The following MAP3K20 variants were observed in gnomAD, a reference collection of about 807,000 sequenced individuals.
The protein encoded by MAP3K20 is HCCS-4.
In MAP3K20, 40 loss-of-function variants were observed where a neutral mutation model predicts 85.7. That is an observed-to-expected ratio of 0.47 (90% CI 0.36 to 0.61). The LOEUF (loss-of-function observed/expected upper bound fraction) is 0.61. MAP3K20 is among the 20% of genes least tolerant of loss of function. The probability of loss-of-function intolerance (pLI) is 0.00; values close to 1 mark genes in which losing one functional copy is unlikely to be tolerated. For synonymous variants in MAP3K20, 325 were observed against 327.7 expected (o/e 0.99, Z 0.09); for missense variants, 817 against 961.7 (o/e 0.85, Z 1.99).
At chr2:173,193,515 C>A (rs1484676169) in intron 7 of MAP3K20, among the ~76,000 whole-genome samples, 2 of 152,192 alleles carry the variant, frequency 1.3e-5, no homozygotes, top group Non-Finnish European at 2.9e-5. Flanking sequence ...ATGCCCCCCT[C>A]TGCTTTTCCT....
intron 2 of MAP3K20, among the ~76,000 whole-genome samples, chr2:173,131,668 A>AT (rs1688621370): frequency 6.6e-6 from 1 of 152,202 alleles, no homozygotes; most frequent in African/African-American, 2.4e-5. Context: ...GCTGAATAAA[A>AT]TTCAGAAAAT....
At chr2:173,252,321 A>C (rs1316968458) in intron 16 of MAP3K20, among the ~76,000 whole-genome samples, 3 of 152,232 alleles carry the variant, frequency 2.0e-5, no homozygotes, top group Non-Finnish European at 4.4e-5. Context: ...ACAGTGTAAG[A>C]GTTTCTGTTT....
intron 2 of MAP3K20, among the ~76,000 whole-genome samples, chr2:173,110,241 A>AT (rs1163430418): frequency 2.1e-4 from 3 of 14,228 alleles, no homozygotes; most frequent in Non-Finnish European, 3.6e-4. Context: ...ATATATATAT[A>AT]TTTTTTTTTT....
intron 8 of MAP3K20, among the ~76,000 whole-genome samples, chr2:173,202,853 C>G (rs1158255180): frequency 6.6e-6 from 1 of 152,062 alleles, no homozygotes; most frequent in African/African-American, 2.4e-5. Context: ...AATCAATAAG[C>G]CTTTGATTTA....
chr2:173,258,155 T>C (rs1415965028), intron 16 of MAP3K20, among the ~76,000 whole-genome samples: 1 of 152,198 alleles, frequency 6.6e-6, no homozygotes, highest in Non-Finnish European at 1.5e-5. Context: ...AACTCCCTAG[T>C]TGTCCGTTAT....
chr2:173,134,413 TATATATATA>T (rs1688727403), intron 2 of MAP3K20, among the ~76,000 whole-genome samples: 1 of 12,834 alleles, frequency 7.8e-5, no homozygotes, highest in African/African-American at 2.7e-4. Context: ...TATATATATA[TATATATATA>T]TATATATTTT....
chr2:173,221,579 G>A (rs1211851262), intron 11 of MAP3K20: 3 of 1,452,724 alleles, frequency 2.1e-6, no homozygotes. Flanking sequence ...AAACACAAAA[G>A]TAACTTGTTT....
In MAP3K20 at chr2:173,191,032, T is replaced by G; in HGVS notation, c.445-8T>G. On this transcript the variant is annotated splice_region_variant and splice_polypyrimidine_tract_variant and intron_variant, in intron 6 of 19. Coordinates refer to ENST00000375213, the MANE Select transcript of MAP3K20 (RefSeq NM_016653.3). Reference sequence around the variant, plus strand: ...GTAGAAAGTTGACACTGATTCCTGTTTTCTCAGATCTGTGACTTTGGTGCC... The same window carrying G: ...GTAGAAAGTTGACACTGATTCCTGTGTTCTCAGATCTGTGACTTTGGTGCC... 1 of 1,613,522 alleles carries G rather than the reference T, an allele frequency of 6.2e-7. No individual in the cohort carries two copies. Among genetic ancestry groups the G allele is most frequent in the Non-Finnish European group, 8.5e-7 (1 of 1,179,806 alleles).
intron 1 of MAP3K20, among the ~76,000 whole-genome samples, chr2:173,078,809 G>A (rs1377574979): frequency 2.6e-5 from 4 of 152,216 alleles, no homozygotes; most frequent in Admixed American, 2.6e-4. Flanking sequence ...AGGCAAATTA[G>A]AAGGAGGAGG....
intron 3 of MAP3K20, among the ~76,000 whole-genome samples, chr2:173,178,308 A>G (rs1690224704): frequency 6.6e-6 from 1 of 152,216 alleles, no homozygotes; most frequent in African/African-American, 2.4e-5. Context: ...TTAAAAAGAT[A>G]CAAATTATCA....
rs751726948 is a variant in MAP3K20, at chr2:173,261,027, T to C, written c.1477-36T>C. ...ACATACTATAGTAGAGCAGACTGTG[T>C]TATGGTACTACACCATCCTAACTTT... On this transcript the variant is annotated intron_variant, in intron 17 of 19. Coordinates refer to ENST00000375213, the MANE Select transcript of MAP3K20 (RefSeq NM_016653.3). 2 of 1,598,874 alleles carry C rather than the reference T, an allele frequency of 1.3e-6. 1 individual carries two copies. The highest frequency in any genetic ancestry group is 1.7e-6 in the Non-Finnish European group (2 of 1,167,156).
chr2:173,193,572 T>C (rs1447410300), intron 7 of MAP3K20, among the ~76,000 whole-genome samples: 1 of 152,172 alleles, frequency 6.6e-6, no homozygotes, highest in African/African-American at 2.4e-5. Context: ...CAAATTCCTT[T>C]TCACACATAA....
chr2:173,217,157 G>A lies in MAP3K20; in HGVS notation c.894G>A (p.Glu298=). The A allele has an allele frequency of 1.2e-6, 2 of 1,604,360 alleles. No individual in the cohort carries two copies. The highest frequency in any genetic ancestry group is 1.1e-5 in the South Asian group (1 of 89,252). ...EATLERLKKL[E]RDLSFKEQEL... ...CTCTTGAGAGGCTAAAGAAACTAGA[G>A]CGTGATCTCAGCTTTAAGGAGCAGG... The change falls in exon 11 of 20, where the codon GAG becomes GAA. Residue 298 remains glutamate, a synonymous_variant. Coordinates refer to ENST00000375213, the MANE Select transcript of MAP3K20 (RefSeq NM_016653.3).
rs1327606300 is a variant in MAP3K20 at position 173,225,921 on chromosome 2, GAAAA to G, written c.988-3763_988-3760del. Reference sequence around the variant, plus strand: ...TGATTCCACAATTAAAAAAAAAAAAGAAAAAAAACTCATTGAGATAGCTACAGTT... The same window carrying G: ...TGATTCCACAATTAAAAAAAAAAAAGAAAACTCATTGAGATAGCTACAGTT... On this transcript the variant is annotated intron_variant, in intron 11 of 19. Transcript: ENST00000375213. 3.5e-6 allele frequency: 3 copies of G among 858,192 alleles called. No individual in the cohort carries two copies. In the African/African-American group the frequency reaches 5.5e-5, roughly 16 times the overall value. 53.2% of individuals were successfully genotyped at this position (858,192 alleles called of 1,614,324 possible).
chr2:173,248,112 G>A (rs1684962609), intron 16 of MAP3K20, among the ~76,000 whole-genome samples: 1 of 152,182 alleles, frequency 6.6e-6, no homozygotes, highest in African/African-American at 2.4e-5. Flanking sequence ...CCTGGGGCGG[G>A]GATTTTAGTA....
chr2:173,264,336 C>G (rs374655139), intron 19 of MAP3K20, among the ~76,000 whole-genome samples: 4 of 152,160 alleles, frequency 2.6e-5, no homozygotes, highest in Admixed American at 2.6e-4. Flanking sequence ...CAACCATATT[C>G]AGAGAGTGGA....
intron 12 of MAP3K20, among the ~76,000 whole-genome samples, chr2:173,230,078 C>T (rs892446172): frequency 7.9e-5 from 12 of 152,112 alleles, no homozygotes; most frequent in Middle Eastern, 3.2e-3. Context: ...GTGACGTGCC[C>T]GCCTCAGCCT....
At chr2:173,200,754 T>C (rs1409798558) in intron 8 of MAP3K20, among the ~76,000 whole-genome samples, 1 of 152,094 alleles carries the variant, frequency 6.6e-6, no homozygotes, top group African/African-American at 2.4e-5. Context: ...ATCATACCAC[T>C]GCACTCCAGC....
intron 11 of MAP3K20, 119 bp downstream of exon 11, chr2:173,217,369 C>T: frequency 7.9e-7 from 1 of 1,266,560 alleles, no homozygotes; most frequent in Non-Finnish European, 1.0e-6. Flanking sequence ...TCCTGCCTCG[C>T]GCCCGTGTAT....
Sources: gnomAD v4.1 joint callset for allele counts (sites outside exome capture counted in the v4.1 genomes callset) on GRCh38, gnomAD v4.1.1 for gene constraint, MANE v1.5 for transcripts, NCBI Gene and HGNC (gene_info 2026-07-23, HGNC 2026-07-21) for gene names.